Variants in TSPAN5 observed in about 807,000 individuals in gnomAD.
TSPAN5 encodes the protein tetraspanin-5.
TSPAN5 carries 10 observed loss-of-function variants against 37.1 expected under a neutral mutation model. The observed-to-expected ratio is 0.27, with a 90% CI of 0.17 to 0.46. TSPAN5 has a LOEUF of 0.46. Ranked by LOEUF, TSPAN5 falls within the 20% of genes least tolerant of loss-of-function variation. The probability of loss-of-function intolerance (pLI) is 1.00; values close to 1 mark genes in which losing one functional copy is unlikely to be tolerated. For synonymous variants in TSPAN5, 110 were observed against 118.9 expected, an observed-to-expected ratio of 0.93 and a Z score of 0.48; for missense variants, 195 against 326.6, an observed-to-expected ratio of 0.60 and a Z score of 3.11.
At chr4:98,636,963 A>G (rs939783586) in intron 1 of TSPAN5, among the ~76,000 whole-genome samples, 1 of 152,132 alleles carries the variant, frequency 6.6e-6, no homozygotes, top group African/African-American at 2.4e-5. Context: ...TTCTTAGCCC[A>G]GTCTACAGGA....
chr4:98,572,551 G>A (rs188772341), intron 1 of TSPAN5, among the ~76,000 whole-genome samples: 14 of 152,302 alleles, frequency 9.2e-5, no homozygotes, highest in East Asian at 3.9e-4. Context: ...AGCCTACTAC[G>A]TCTCAGACAT....
chr4:98,613,230 T>A (rs1354942695), intron 1 of TSPAN5, among the ~76,000 whole-genome samples: 1 of 151,806 alleles, frequency 6.6e-6, no homozygotes, highest in African/African-American at 2.4e-5. Flanking sequence ...CAAATTAATA[T>A]ACTGAAATAC....
At chr4:98,642,984 A>C (rs1756989748) in intron 1 of TSPAN5, among the ~76,000 whole-genome samples, 1 of 152,114 alleles carries the variant, frequency 6.6e-6, no homozygotes, top group African/African-American at 2.4e-5. Flanking sequence ...ATTTTTTGTA[A>C]ATTTAATGTA....
intron 2 of TSPAN5, among the ~76,000 whole-genome samples, chr4:98,488,843 A>C (rs941484994): frequency 6.6e-6 from 1 of 152,200 alleles, no homozygotes; most frequent in Admixed American, 6.5e-5. Context: ...GCTTGAGGCC[A>C]GGAGTTTGAG....
intron 1 of TSPAN5, among the ~76,000 whole-genome samples, chr4:98,555,312 T>C (rs527769594): frequency 6.6e-6 from 1 of 152,322 alleles, no homozygotes; most frequent in African/African-American, 2.4e-5. Context: ...TCCTTGACTA[T>C]ATCAAGCAAT....
intron 3 of TSPAN5, 120 bp from the exon 4 acceptor site, chr4:98,482,295 C>CAGAAACTGA: frequency 2.4e-6 from 2 of 821,270 alleles, no homozygotes; most frequent in Non-Finnish European, 3.7e-6. Context: ...ATCTCCAAAG[C>CAGAAACTGA]AGATAATCTT....
Position 98,583,338 on chromosome 4 carries a change from T to C in TSPAN5, c.81+74808A>G, listed in dbSNP as rs146497041. Among the ~76,000 whole-genome samples the C allele has an allele frequency of 2.9e-3, 436 of 152,304 alleles. 3 individuals are homozygous for C. The highest frequency in any genetic ancestry group is 0.01 in the African/African-American group (421 of 41,556). On this transcript the variant is annotated intron_variant, in intron 1 of 7. Transcript: ENST00000305798. ...GTAAACTTGTGTCATGGAGGTCTGT[T>C]GTACAGACTGTTTAATCACTCAGGT...
chr4:98,476,277 G>A lies in TSPAN5; in HGVS notation c.653C>T (p.Thr218Met), dbSNP rs202045618. 40 of 1,614,076 alleles carry A rather than the reference G, an allele frequency of 2.5e-5. No homozygotes were observed. The highest frequency in any genetic ancestry group is 2.2e-5 in the East Asian group (1 of 44,892). The stretch of plus-strand genomic sequence containing the variant: ...CTCAAACTGGGGCACACAGCCTTTC[G>A]TGTAGATTACAATCTGCTGGTCAAC... ...PEVDQQIVIY[T>M]KGCVPQFEKW... Residue 218 changes from threonine to methionine, a missense_variant, in exon 7 of 8, where the codon ACG (threonine) becomes ATG (methionine). Transcript: ENST00000305798.
intron 1 of TSPAN5, among the ~76,000 whole-genome samples, chr4:98,582,193 C>T (rs62323632): frequency 0.091 from 13,815 of 152,282 alleles, 743 homozygotes; most frequent in South Asian, 0.21. Flanking sequence ...TCTTGTCCAG[C>T]GCATAGCCGC....
intron 1 of TSPAN5, among the ~76,000 whole-genome samples, chr4:98,640,017 T>A (rs533809555): frequency 6.6e-6 from 1 of 152,262 alleles, no homozygotes; most frequent in Non-Finnish European, 1.5e-5. Flanking sequence ...GAGCTTTCCT[T>A]TACTATAACA....
intron 1 of TSPAN5, among the ~76,000 whole-genome samples, chr4:98,510,751 G>A (rs1753584999): frequency 6.6e-6 from 1 of 152,188 alleles, no homozygotes; most frequent in East Asian, 1.9e-4. Context: ...AACTGGGAAA[G>A]AACACAATTT....
In TSPAN5 at chr4:98,597,486, G is replaced by A. The variant is rs1388644656; in HGVS notation, c.81+60660C>T. Among the ~76,000 whole-genome samples the A allele has an allele frequency of 1.2e-3, 56 of 46,314 alleles. 1 individual carries two copies. The highest frequency in any genetic ancestry group is 1.6e-3 in the Non-Finnish European group (47 of 28,726). The allele number at this position is 46,314 out of a possible 152,430, so 30.4% of individuals were successfully genotyped here. Reference sequence around the variant, plus strand: ...TTTGTTCTGTTGCTGGTGAGGAACTGCGTTCCTTTGGAGGAGGAGAGGCGC... The same window carrying A: ...TTTGTTCTGTTGCTGGTGAGGAACTACGTTCCTTTGGAGGAGGAGAGGCGC... On this transcript the variant is annotated intron_variant, in intron 1 of 7. Coordinates refer to ENST00000305798, the MANE Select transcript of TSPAN5 (RefSeq NM_005723.4).
intron 4 of TSPAN5, 77 bp downstream of exon 4, chr4:98,481,928 A>G: frequency 6.8e-7 from 1 of 1,471,850 alleles, no homozygotes; most frequent in Non-Finnish European, 9.3e-7. Context: ...GCAGATGCAG[A>G]AACCAGGAGG....
chr4:98,586,038 G>C (rs1755477767), intron 1 of TSPAN5, among the ~76,000 whole-genome samples: 1 of 152,200 alleles, frequency 6.6e-6, no homozygotes, highest in African/African-American at 2.4e-5. Flanking sequence ...CAATCTGGAA[G>C]AACCAGTGCT....
intron 1 of TSPAN5, among the ~76,000 whole-genome samples, chr4:98,635,892 GCTAAA>G (rs1407057632): frequency 1.3e-5 from 2 of 152,186 alleles, no homozygotes; most frequent in African/African-American, 4.8e-5. Flanking sequence ...AGACTGAACT[GCTAAA>G]TAGGGTCTCC....
At chr4:98,658,081 G>T (rs1757328604) in intron 1 of TSPAN5, 65 bp downstream of exon 1, 1 of 1,428,432 alleles carries the variant, frequency 7.0e-7, no homozygotes, top group Non-Finnish European at 9.9e-7. Flanking sequence ...AACGAACAAC[G>T]TGGGGGAAAT....
intron 1 of TSPAN5, among the ~76,000 whole-genome samples, chr4:98,653,269 C>G (rs533837972): frequency 6.6e-6 from 1 of 152,066 alleles, no homozygotes; most frequent in Non-Finnish European, 1.5e-5. Context: ...CCCCCACCGC[C>G]CCAAGGTTTC....
chr4:98,649,660 G>A (rs1455736040), intron 1 of TSPAN5, among the ~76,000 whole-genome samples: 1 of 152,110 alleles, frequency 6.6e-6, no homozygotes, highest in African/African-American at 2.4e-5. Flanking sequence ...TTATTTTCCT[G>A]GTTTTTTTAG....
At chr4:98,612,333 C>T (rs2110235983) in intron 1 of TSPAN5, among the ~76,000 whole-genome samples, 1 of 152,158 alleles carries the variant, frequency 6.6e-6, no homozygotes, top group Non-Finnish European at 1.5e-5. Flanking sequence ...ACAGCCCAGT[C>T]CTGCAAGCAG....
Sources: gnomAD v4.1 joint callset for allele counts (sites outside exome capture counted in the v4.1 genomes callset) on GRCh38, gnomAD v4.1.1 for gene constraint, MANE v1.5 for transcripts, NCBI Gene and HGNC (gene_info 2026-07-23, HGNC 2026-07-21) for gene names.